PPP1R1C: variants seen among roughly 807,000 people sequenced by gnomAD.
PPP1R1C encodes the protein protein phosphatase 1 regulatory inhibitor subunit 1C.
In PPP1R1C, 15 loss-of-function variants were observed where a neutral mutation model predicts 17.4. The observed-to-expected ratio is 0.86, with a 90% CI of 0.58 to 1.33. PPP1R1C has a LOEUF of 1.33. PPP1R1C is among the 40% of genes most tolerant of loss of function. The pLI, the probability that PPP1R1C is intolerant of heterozygous loss-of-function variation, is 0.00. For missense variants in PPP1R1C, 143 were observed against 130.0 expected, an observed-to-expected ratio of 1.10 and a Z score of -0.48; for synonymous variants, 35 against 43.1, an observed-to-expected ratio of 0.81 and a Z score of 0.73.
intron 5 of PPP1R1C, among the ~76,000 whole-genome samples, chr2:182,124,327 G>T (rs113523411): frequency 0.054 from 4,423 of 81,696 alleles, 114 homozygotes; most frequent in Admixed American, 0.14. Flanking sequence ...TTTTTTTTTT[G>T]TTTTTTTTTT....
chr2:181,987,929 T>C (rs752453130), intron 2 of PPP1R1C, 30 bp downstream of exon 2: 37 of 1,550,646 alleles, frequency 2.4e-5, no homozygotes, highest in Non-Finnish European at 3.2e-5. Context: ...TTCACACTGA[T>C]GGAACAGAAT....
chr2:182,115,289 C>T (rs1388592629), intron 4 of PPP1R1C, among the ~76,000 whole-genome samples: 1 of 151,972 alleles, frequency 6.6e-6, no homozygotes. Context: ...GGGTCAGCAG[C>T]CAAAAAGCTA....
intron 4 of PPP1R1C, among the ~76,000 whole-genome samples, chr2:182,111,749 T>G (rs938086594): frequency 1.3e-5 from 2 of 151,538 alleles, no homozygotes; most frequent in African/African-American, 4.8e-5. Flanking sequence ...TATATAACTA[T>G]ACATACAATT....
intron 5 of PPP1R1C, among the ~76,000 whole-genome samples, chr2:182,124,346 T>TTC (rs1689821116): frequency 7.3e-6 from 1 of 137,054 alleles, no homozygotes; most frequent in African/African-American, 2.9e-5. Context: ...TTTGTTTTTT[T>TTC]TTTTTTGCTT....
chr2:182,109,237 A>G (rs921958161), intron 4 of PPP1R1C, among the ~76,000 whole-genome samples: 8 of 151,718 alleles, frequency 5.3e-5, no homozygotes, highest in Non-Finnish European at 7.4e-5. Context: ...TATGTTTTGG[A>G]TAGTAGCCCT....
chr2:182,078,895 A>G (rs757658861), intron 4 of PPP1R1C, among the ~76,000 whole-genome samples: 2 of 152,242 alleles, frequency 1.3e-5, no homozygotes, highest in Non-Finnish European at 2.9e-5. Flanking sequence ...GACACAGAGA[A>G]TGTCAAAGAG....
intron 4 of PPP1R1C, among the ~76,000 whole-genome samples, chr2:182,104,690 A>G (rs925617575): frequency 7.2e-5 from 11 of 152,158 alleles, no homozygotes; most frequent in Admixed American, 7.2e-4. Context: ...TTTTGCATCT[A>G]TGTTCATCAA....
At chr2:182,088,603 A>G (rs1319115433) in intron 4 of PPP1R1C, among the ~76,000 whole-genome samples, 1 of 152,194 alleles carries the variant, frequency 6.6e-6, no homozygotes, top group East Asian at 1.9e-4. Flanking sequence ...GGTGACTTCC[A>G]TGACTAGTAA....
intron 4 of PPP1R1C, among the ~76,000 whole-genome samples, chr2:182,097,373 T>C (rs1688971649): frequency 6.6e-6 from 1 of 152,206 alleles, no homozygotes; most frequent in African/African-American, 2.4e-5. Context: ...TCTCTTCTGA[T>C]TTGTCTTCTA....
At chr2:182,023,550 T>C (rs914361988) in intron 2 of PPP1R1C, among the ~76,000 whole-genome samples, 1 of 152,206 alleles carries the variant, frequency 6.6e-6, no homozygotes, top group African/African-American at 2.4e-5. Context: ...ACTATAATAC[T>C]GGAGTTGAAA....
intron 4 of PPP1R1C, among the ~76,000 whole-genome samples, chr2:182,081,787 C>T (rs768409406): frequency 1.3e-5 from 2 of 152,190 alleles, no homozygotes; most frequent in Admixed American, 6.5e-5. Flanking sequence ...CCACTCATCA[C>T]GTACACCTCA....
chr2:182,007,791 G>A (rs981930338), intron 2 of PPP1R1C, among the ~76,000 whole-genome samples: 3 of 151,962 alleles, frequency 2.0e-5, no homozygotes, highest in Non-Finnish European at 4.4e-5. Flanking sequence ...GGCTAGGCGC[G>A]GTGGCTCACG....
At chr2:182,048,373 G>A (rs932552416) in intron 2 of PPP1R1C, among the ~76,000 whole-genome samples, 2 of 152,200 alleles carry the variant, frequency 1.3e-5, no homozygotes, top group Non-Finnish European at 2.9e-5. Flanking sequence ...ATTTTGGAAA[G>A]GGGAGAGTTT....
At chr2:182,031,880 T>G (rs1404687415) in intron 2 of PPP1R1C, among the ~76,000 whole-genome samples, 1 of 152,214 alleles carries the variant, frequency 6.6e-6, no homozygotes, top group South Asian at 2.1e-4. Flanking sequence ...TTAGGAAGCA[T>G]GTATGTATGA....
At chr2:182,040,498 A>T (rs1687149173) in intron 2 of PPP1R1C, among the ~76,000 whole-genome samples, 1 of 151,640 alleles carries the variant, frequency 6.6e-6, no homozygotes, top group African/African-American at 2.4e-5. Flanking sequence ...TTTTAATGGG[A>T]TTATTTATTT....
chr2:182,070,880 G>A (rs1688119434), intron 4 of PPP1R1C, among the ~76,000 whole-genome samples: 5 of 152,140 alleles, frequency 3.3e-5, no homozygotes, highest in Admixed American at 3.3e-4. Context: ...GGCTGGAGTA[G>A]GAGGAAGAGA....
intron 2 of PPP1R1C, among the ~76,000 whole-genome samples, chr2:182,012,933 G>A (rs1196189): frequency 1.6e-3 from 248 of 151,904 alleles, no homozygotes; most frequent in African/African-American, 5.6e-3. Context: ...CACCCCCACC[G>A]CTTTTTAACT....
chr2:182,116,060 T>C (rs186728995), intron 4 of PPP1R1C, among the ~76,000 whole-genome samples: 11 of 152,286 alleles, frequency 7.2e-5, no homozygotes, highest in Admixed American at 7.2e-4. Flanking sequence ...GATAATTTTG[T>C]AGATTGAGTG....
chr2:182,027,430 A>G (rs1486043453), intron 2 of PPP1R1C, among the ~76,000 whole-genome samples: 158 of 112,798 alleles, frequency 1.4e-3, no homozygotes, highest in Admixed American at 2.5e-3. Flanking sequence ...AGGGTTGTTG[A>G]ATTTTGTCAA....
Sources: gnomAD v4.1 joint callset for allele counts (sites outside exome capture counted in the v4.1 genomes callset) on GRCh38, gnomAD v4.1.1 for gene constraint, MANE v1.5 for transcripts, NCBI Gene and HGNC (gene_info 2026-07-23, HGNC 2026-07-21) for gene names.